Variants in COL8A1 observed in about 807,000 individuals in gnomAD.
The protein encoded by COL8A1 is collagen type VIII alpha 1 chain, also known as collagen alpha-1(VIII) chain.
COL8A1 carries 21 observed loss-of-function variants against 42.7 expected under a neutral mutation model. The observed-to-expected ratio is 0.49, with a 90% CI of 0.35 to 0.71. The LOEUF (loss-of-function observed/expected upper bound fraction) is 0.71. Ranked by LOEUF, COL8A1 falls within the 30% of genes least tolerant of loss-of-function variation. The probability of loss-of-function intolerance (pLI) is 0.01; values close to 1 mark genes in which losing one functional copy is unlikely to be tolerated. For missense variants in COL8A1, 788 were observed against 962.4 expected (o/e 0.82, Z 2.40); for synonymous variants, 367 against 369.1 (o/e 0.99, Z 0.06).
intron 1 of COL8A1, among the ~76,000 whole-genome samples, chr3:99,735,506 T>C (rs1392864243): frequency 6.8e-6 from 1 of 147,934 alleles, no homozygotes; most frequent in Non-Finnish European, 1.5e-5. Flanking sequence ...GAAGCCCACT[T>C]GATCATGGTG....
At chr3:99,739,997 A>T (rs1475411012) in intron 1 of COL8A1, among the ~76,000 whole-genome samples, 1 of 152,196 alleles carries the variant, frequency 6.6e-6, no homozygotes, top group Non-Finnish European at 1.5e-5. Flanking sequence ...ACCCTAAATC[A>T]TCTCTCTTAA....
At chr3:99,645,206 G>A (rs1449180247) in intron 1 of COL8A1, among the ~76,000 whole-genome samples, 7 of 152,118 alleles carry the variant, frequency 4.6e-5, no homozygotes. Context: ...TTTCTTTAAT[G>A]ATCTACTTAG....
Position 99,734,319 on chromosome 3 carries a change from T to C in COL8A1, c.-128-10578T>C, listed in dbSNP as rs1390781047. ...AAGTCTTCAATCCATCTTGAATTAATTTTTGTATAAGGTGTAAGGAAGGGA... is the reference window on the plus strand; with the variant it reads ...AAGTCTTCAATCCATCTTGAATTAACTTTTGTATAAGGTGTAAGGAAGGGA... On this transcript the variant is annotated intron_variant, in intron 1 of 3. Transcript: ENST00000652472. Among the ~76,000 whole-genome samples the C allele has an allele frequency of 2.1e-5, 3 of 140,780 alleles. No individual in the cohort carries two copies. The East Asian group carries it at 6.0e-4, about 28-fold the overall frequency. The allele number at this position is 140,780 out of a possible 152,430, so 92.4% of individuals were successfully genotyped here.
intron 2 of COL8A1, among the ~76,000 whole-genome samples, chr3:99,746,904 T>G (rs1190769922): frequency 6.6e-6 from 1 of 152,240 alleles, no homozygotes; most frequent in Non-Finnish European, 1.5e-5. Flanking sequence ...ATTTTTTGAA[T>G]GTACACCTTT....
chr3:99,788,053 ATAAAGT>A (rs1941931497), intron 2 of COL8A1, among the ~76,000 whole-genome samples: 1 of 152,234 alleles, frequency 6.6e-6, no homozygotes, highest in Non-Finnish European at 1.5e-5. Flanking sequence ...AGGTGTTTGT[ATAAAGT>A]TACCCAAATT....
chr3:99,673,974 T>G (rs1938618169), intron 1 of COL8A1, among the ~76,000 whole-genome samples: 1 of 152,092 alleles, frequency 6.6e-6, no homozygotes, highest in African/African-American at 2.4e-5. Context: ...TGTTACATAT[T>G]ATTATATTTC....
intron 2 of COL8A1, among the ~76,000 whole-genome samples, chr3:99,787,989 C>T (rs1028334448): frequency 6.6e-6 from 1 of 152,092 alleles, no homozygotes; most frequent in African/African-American, 2.4e-5. Flanking sequence ...GGCATGAAAA[C>T]CCACTATCAC....
intron 1 of COL8A1, among the ~76,000 whole-genome samples, chr3:99,731,689 G>A (rs566141450): frequency 6.6e-6 from 1 of 152,140 alleles, no homozygotes; most frequent in Non-Finnish European, 1.5e-5. Context: ...ATGTAAGCAA[G>A]AAAACTGACT....
chr3:99,726,805 G>T (rs1366688447), intron 1 of COL8A1, among the ~76,000 whole-genome samples: 1 of 151,970 alleles, frequency 6.6e-6, no homozygotes, highest in African/African-American at 2.4e-5. Context: ...TGTTGTTTTG[G>T]TTACTGTAGC....
rs545530440 is a variant in COL8A1, at chr3:99,768,746, C to G, written c.-3-21934C>G. ...TAGTGTCCCCAGTCTCTAACTCTAC[C>G]GGAGGTCTTCCTCCCTGAGAAGCTA... On this transcript the variant is annotated intron_variant, in intron 2 of 3. Transcript: ENST00000652472. Among the ~76,000 whole-genome samples the G allele has an allele frequency of 3.3e-5, 5 of 152,294 alleles. No individual in the cohort carries two copies. The East Asian group carries it at 9.6e-4, about 29-fold the overall frequency.
At chr3:99,653,757 TA>T (rs1271889104) in intron 1 of COL8A1, among the ~76,000 whole-genome samples, 1 of 151,192 alleles carries the variant, frequency 6.6e-6, no homozygotes, top group African/African-American at 2.4e-5. Context: ...CTGGCCCCTG[TA>T]TTTTGATGCA....
intron 2 of COL8A1, among the ~76,000 whole-genome samples, chr3:99,763,010 G>A (rs1293150748): frequency 6.6e-6 from 1 of 152,122 alleles, no homozygotes; most frequent in African/African-American, 2.4e-5. Context: ...GGCAGAGAAA[G>A]GTATTTCAAA....
intron 1 of COL8A1, among the ~76,000 whole-genome samples, chr3:99,663,581 A>G (rs141505591): frequency 1.5e-3 from 223 of 152,194 alleles, no homozygotes; most frequent in Non-Finnish European, 2.7e-3. Flanking sequence ...ATGCAAGCTG[A>G]TGTCTAACTC....
At position 99,794,197 on chromosome 3, in the gene COL8A1, C is replaced by G. The variant is rs200166506; in HGVS notation, c.329-33C>G. ...TACTAATCAATCTCTCTCTCTCCCC[C>G]CATACCCCTTCTCTCTCTTCTCTTC... On this transcript the variant is annotated intron_variant, in intron 3 of 3. Coordinates refer to ENST00000652472, the MANE Select transcript of COL8A1 (RefSeq NM_020351.4). The surrounding 1 kb of genome is among the most constrained non-coding windows in gnomAD (Gnocchi z 4.3). 4 of 1,398,018 alleles carry G rather than the reference C, an allele frequency of 2.9e-6. No individual in the cohort carries two copies. The highest frequency in any genetic ancestry group is 2.9e-5 in the African/African-American group (2 of 69,426). The allele number at this position is 1,398,018 out of a possible 1,614,324, so 86.6% of individuals were successfully genotyped here.
chr3:99,734,746 G>A (rs1189157512), intron 1 of COL8A1, among the ~76,000 whole-genome samples: 3 of 151,818 alleles, frequency 2.0e-5, no homozygotes, highest in African/African-American at 7.3e-5. Context: ...TGGGCAGTAT[G>A]GCCATTTTCA....
At chr3:99,694,486 G>C (rs1480739169) in intron 1 of COL8A1, among the ~76,000 whole-genome samples, 3 of 151,558 alleles carry the variant, frequency 2.0e-5, no homozygotes, top group African/African-American at 4.8e-5. Context: ...AAAAAAAAAA[G>C]AAAAGAAAAA....
intron 1 of COL8A1, among the ~76,000 whole-genome samples, chr3:99,641,464 C>G (rs1051744935): frequency 6.6e-6 from 1 of 152,144 alleles, no homozygotes; most frequent in African/African-American, 2.4e-5. Context: ...TATTTAAAAA[C>G]CCACAGTAAT....
At chr3:99,709,034 C>G (rs1000186311) in intron 1 of COL8A1, among the ~76,000 whole-genome samples, 15 of 149,636 alleles carry the variant, frequency 1.0e-4, no homozygotes, top group African/African-American at 3.7e-4. Context: ...CCCCCACCCC[C>G]GCCCCGACCA....
At chr3:99,789,188 T>C (rs534400258) in intron 2 of COL8A1, among the ~76,000 whole-genome samples, 1 of 152,310 alleles carries the variant, frequency 6.6e-6, no homozygotes, top group East Asian at 1.9e-4. Context: ...ACTCTTGGCA[T>C]TACCCTGGAA....
Sources: allele counts gnomAD v4.1 joint callset (sites outside exome capture counted in the v4.1 genomes callset), GRCh38; gene constraint gnomAD v4.1.1; non-coding constraint Gnocchi (gnomAD v3.1); transcripts MANE v1.5; gene names NCBI Gene and HGNC (gene_info 2026-07-23, HGNC 2026-07-21).